INPP4A: variants seen among roughly 807,000 people sequenced by gnomAD.
INPP4A encodes the protein inositol polyphosphate-4-phosphatase type I A, also known as inositol polyphosphate-4-phosphatase, type I, 107kD.
In INPP4A, 33 loss-of-function variants were observed where a neutral mutation model predicts 119.8. That is an observed-to-expected ratio of 0.28 (90% CI 0.21 to 0.37). The LOEUF is 0.37. INPP4A is among the 10% of genes least tolerant of loss of function. INPP4A has a pLI of 1.00. For synonymous variants in INPP4A, 496 were observed against 500.7 expected, an observed-to-expected ratio of 0.99 and a Z score of 0.12; for missense variants, 956 against 1,289.9, an observed-to-expected ratio of 0.74 and a Z score of 3.97.
At chr2:98,580,019 C>T (rs1249010372) in intron 24 of INPP4A, among the ~76,000 whole-genome samples, 1 of 152,218 alleles carries the variant, frequency 6.6e-6, no homozygotes, top group Non-Finnish European at 1.5e-5. Context: ...CTTCTGTTTT[C>T]GATACGATCC....
intron 1 of INPP4A, among the ~76,000 whole-genome samples, chr2:98,455,603 C>T (rs956599302): frequency 2.0e-5 from 3 of 152,110 alleles, no homozygotes; most frequent in African/African-American, 7.2e-5. Context: ...GTTCCTCCCC[C>T]GTCGAATCCT....
At chr2:98,524,344 T>C (rs1038783154) in intron 4 of INPP4A, among the ~76,000 whole-genome samples, 1 of 152,222 alleles carries the variant, frequency 6.6e-6, no homozygotes, top group African/African-American at 2.4e-5. Context: ...TATGGAAATA[T>C]GCCAAATGAA....
At position 98,593,621 on chromosome 2, in the gene INPP4A, C is replaced by G. The variant is rs948042426; in HGVS notation, c.*6013C>G. 5.9e-5 allele frequency: 9 copies of G among 152,464 alleles called. No homozygotes were observed. The highest frequency in any genetic ancestry group is 1.0e-4 in the Non-Finnish European group (7 of 68,122). The allele number at this position is 152,464 out of a possible 1,614,324, so 9.4% of individuals were successfully genotyped here. The stretch of plus-strand genomic sequence containing the variant: ...TTACCTATACATCTAAGCACCATGC[C>G]TGTCTTGCAGGCATCTCAAATACAG... On this transcript the variant is annotated 3_prime_UTR_variant, in exon 25 of 25. Coordinates refer to ENST00000409851, the MANE Select transcript of INPP4A (RefSeq NM_001134225.2).
intron 10 of INPP4A, among the ~76,000 whole-genome samples, chr2:98,541,143 C>T (rs530947700): frequency 2.6e-5 from 4 of 152,182 alleles, no homozygotes; most frequent in South Asian, 2.1e-4. Context: ...CTGACTAACA[C>T]GGTGAAACCT....
intron 1 of INPP4A, among the ~76,000 whole-genome samples, chr2:98,447,862 A>G (rs1694469860): frequency 6.6e-6 from 1 of 152,020 alleles, no homozygotes; most frequent in South Asian, 2.1e-4. Context: ...CCTGGCTAAC[A>G]CGGTGAAACC....
chr2:98,519,285 A>T (rs1686725703), intron 2 of INPP4A: 1 of 152,246 alleles, frequency 6.6e-6, no homozygotes, highest in South Asian at 2.1e-4. Flanking sequence ...CTGAGAGCAG[A>T]GTGTGAGCTC....
At chr2:98,447,813 C>T (rs770049421) in intron 1 of INPP4A, among the ~76,000 whole-genome samples, 4 of 151,902 alleles carry the variant, frequency 2.6e-5, no homozygotes, top group Admixed American at 6.6e-5. Context: ...TTTGGGAGGC[C>T]GAGGCGGGCG....
chr2:98,560,632 C>T (rs1237019029), intron 17 of INPP4A, among the ~76,000 whole-genome samples: 1 of 152,236 alleles, frequency 6.6e-6, no homozygotes, highest in African/African-American at 2.4e-5. Context: ...GGTAGATGTA[C>T]AAACAGTTGA....
chr2:98,503,378 C>A (rs1263971234), intron 1 of INPP4A, among the ~76,000 whole-genome samples: 1 of 152,190 alleles, frequency 6.6e-6, no homozygotes, highest in Non-Finnish European at 1.5e-5. Flanking sequence ...GGCTCTCCAG[C>A]CCCATTCTCT....
rs144772295 is a variant in INPP4A, at chr2:98,535,936, A to C, written c.387+91A>C. The C allele has an allele frequency of 8.4e-5, 63 of 750,790 alleles. No individual in the cohort carries two copies. The African/African-American group carries it at 8.6e-4, about 10-fold the overall frequency. The allele number at this position is 750,790 out of a possible 1,614,324, so 46.5% of individuals were successfully genotyped here. A position where few individuals can be genotyped will look rare whatever the true frequency, so the allele number is the denominator to read the frequency against. ...TGAGAGATGAACACAGATTGACTTC[A>C]CTACTGGCTCACAAGTTAACTCATG... On this transcript the variant is annotated intron_variant, in intron 6 of 24. Transcript: ENST00000409851.
In INPP4A at chr2:98,566,001, T is replaced by C. The variant is rs577996427; in HGVS notation, c.2280-28T>C. 276 of 1,595,424 alleles carry C rather than the reference T, an allele frequency of 1.7e-4. 3 individuals are homozygous for C. In the South Asian group the frequency reaches 2.8e-3, roughly 16 times the overall value. ...GCTCGGTGGCCCTCTGGCCTCACAC[T>C]GCTCTCCCTCTCTCCACCTTTCTCC... is the stretch of plus-strand genomic sequence containing the variant. On this transcript the variant is annotated intron_variant, in intron 20 of 24. Transcript: ENST00000409851. This position sits in a 1 kb window ranked among gnomAD's most constrained non-coding sequence, Gnocchi z 4.2.
At chr2:98,553,514 C>A (rs1693920061) in intron 14 of INPP4A, among the ~76,000 whole-genome samples, 1 of 152,032 alleles carries the variant, frequency 6.6e-6, no homozygotes, top group African/African-American at 2.4e-5. Flanking sequence ...TACTTTTCCC[C>A]ATTACTTGGT....
At chr2:98,495,807 CCTAAA>C (rs1401220116) in intron 1 of INPP4A, among the ~76,000 whole-genome samples, 1 of 150,518 alleles carries the variant, frequency 6.6e-6, no homozygotes, top group East Asian at 1.9e-4. Context: ...TCTTATACGA[CCTAAA>C]ATCGTGCCAG....
At chr2:98,532,928 C>T (rs1170722781) in intron 4 of INPP4A, among the ~76,000 whole-genome samples, 1 of 152,222 alleles carries the variant, frequency 6.6e-6, no homozygotes, top group Non-Finnish European at 1.5e-5. Context: ...CATCCACCTG[C>T]CAAGACACGT....
intron 1 of INPP4A, among the ~76,000 whole-genome samples, chr2:98,466,536 T>A (rs1179262633): frequency 6.6e-6 from 1 of 152,216 alleles, no homozygotes; most frequent in African/African-American, 2.4e-5. Context: ...ACACCTTGAA[T>A]GATAAGTGTC....
chr2:98,544,647 G>T (rs1371004084), intron 11 of INPP4A, among the ~76,000 whole-genome samples: 3 of 152,028 alleles, frequency 2.0e-5, no homozygotes, highest in African/African-American at 7.2e-5. Flanking sequence ...GAATTTTTTG[G>T]TTTTTCATTA....
intron 1 of INPP4A, among the ~76,000 whole-genome samples, chr2:98,516,416 T>C (rs1234680949): frequency 6.6e-6 from 1 of 152,112 alleles, no homozygotes; most frequent in African/African-American, 2.4e-5. Flanking sequence ...GCCTAGGATA[T>C]AAACCACCCT....
At chr2:98,550,709 C>G (rs1693352763) in intron 13 of INPP4A, among the ~76,000 whole-genome samples, 1 of 152,190 alleles carries the variant, frequency 6.6e-6, no homozygotes, top group Non-Finnish European at 1.5e-5. Context: ...TAAACAGCAC[C>G]TCTTTGAAAT....
At chr2:98,486,346 C>T (rs1313358014) in intron 1 of INPP4A, among the ~76,000 whole-genome samples, 2 of 152,200 alleles carry the variant, frequency 1.3e-5, no homozygotes, top group Non-Finnish European at 2.9e-5. Context: ...GGAAAATCCT[C>T]TTCCTTGTCT....
Sources: allele counts gnomAD v4.1 joint callset (sites outside exome capture counted in the v4.1 genomes callset), GRCh38; gene constraint gnomAD v4.1.1; non-coding constraint Gnocchi (gnomAD v3.1); transcripts MANE v1.5; gene names NCBI Gene and HGNC (gene_info 2026-07-23, HGNC 2026-07-21).